The following SNAP29 variants were observed in gnomAD, a reference collection of about 807,000 sequenced individuals.
SNAP29 encodes the protein synaptosomal-associated protein 29.
Under a neutral mutation model 27.9 loss-of-function variants are expected in SNAP29, and 13 were observed. The ratio of observed to expected loss-of-function variants is 0.47; its 90% confidence interval spans 0.30 to 0.74. The LOEUF (loss-of-function observed/expected upper bound fraction) is 0.74. SNAP29 is among the 30% of genes least tolerant of loss of function. The pLI, the probability that SNAP29 is intolerant of heterozygous loss-of-function variation, is 0.06. For missense variants in SNAP29, 368 were observed against 336.5 expected (o/e 1.09, Z -0.73); for synonymous variants, 119 against 127.1 (o/e 0.94, Z 0.43).
rs575240461 is a variant in SNAP29 at position 20,888,311 on chromosome 22, TCACACACA to T, written c.*513_*520del. On this transcript the variant is annotated 3_prime_UTR_variant, in exon 5 of 5. Transcript: ENST00000215730. ...CACACCTTTGTTTAGGAGTCATCAT[TCACACACA>T]CACACACACACACACACACACACAC... 5.1e-3 allele frequency: 889 copies of T among 174,612 alleles called. 4 individuals are homozygous for T. The highest frequency in any genetic ancestry group is 0.012 in the Middle Eastern group (5 of 434). 10.8% of individuals were successfully genotyped at this position (174,612 alleles called of 1,614,324 possible).
At chr22:20,874,872 G>A (rs1928703363) in intron 2 of SNAP29, among the ~76,000 whole-genome samples, 1 of 152,016 alleles carries the variant, frequency 6.6e-6, no homozygotes, top group Non-Finnish European at 1.5e-5. Context: ...ATAGGAGAAG[G>A]TAGGATGTTC....
chr22:20,885,868 C>T lies in SNAP29; in HGVS notation c.620-1811C>T, dbSNP rs150028394. Among the ~76,000 whole-genome samples, 43 of 152,316 alleles carry T rather than the reference C, an allele frequency of 2.8e-4. No homozygotes were observed. In the East Asian group the frequency reaches 7.7e-3, roughly 27 times the overall value. ...GTGTTGCCTTTGTTCACACTCTTCCCGTCTTAACACTATCTCCCTGCTATT... is the reference window on the plus strand; with the variant it reads ...GTGTTGCCTTTGTTCACACTCTTCCTGTCTTAACACTATCTCCCTGCTATT... On this transcript the variant is annotated intron_variant, in intron 4 of 4. Transcript: ENST00000215730.
At chr22:20,882,504 T>A (rs1470015567) in intron 3 of SNAP29, among the ~76,000 whole-genome samples, 1 of 152,144 alleles carries the variant, frequency 6.6e-6, no homozygotes, top group Non-Finnish European at 1.5e-5. Flanking sequence ...ATGGAAGCTC[T>A]GGAACCCACC....
chr22:20,884,528 C>T (rs748293558), intron 4 of SNAP29, among the ~76,000 whole-genome samples: 7 of 152,076 alleles, frequency 4.6e-5, no homozygotes, highest in Non-Finnish European at 7.4e-5. Context: ...TGGGCTCCCC[C>T]GACTCTCTGT....
At chr22:20,864,406 A>G (rs1928409358) in intron 1 of SNAP29, among the ~76,000 whole-genome samples, 1 of 152,132 alleles carries the variant, frequency 6.6e-6, no homozygotes, top group Non-Finnish European at 1.5e-5. Context: ...CAGAGGTGGG[A>G]GAGAGGAGGA....
rs1158782214 is a variant in SNAP29 at position 20,888,858 on chromosome 22, C to T, written c.*1022C>T. The T allele has an allele frequency of 6.6e-6, 1 of 152,230 alleles. No homozygotes were observed. Among genetic ancestry groups the T allele is most frequent in the Non-Finnish European group, 1.5e-5 (1 of 68,054 alleles). The allele number at this position is 152,230 out of a possible 1,614,324, so 9.4% of individuals were successfully genotyped here. A position where few individuals can be genotyped will look rare whatever the true frequency, so the allele number is the denominator to read the frequency against. ...AGGTAACTTGAATCATCACTTATTT[C>T]TCTGCCACCTGGTTTTAGGACTGGC... On this transcript the variant is annotated 3_prime_UTR_variant, in exon 5 of 5. Coordinates refer to ENST00000215730, the MANE Select transcript of SNAP29 (RefSeq NM_004782.4).
At chr22:20,883,392 G>A in intron 3 of SNAP29, 79 bp from the exon 4 acceptor site, 1 of 952,484 alleles carries the variant, frequency 1.0e-6, no homozygotes, top group Non-Finnish European at 1.7e-6. Context: ...TTTTCCAGAT[G>A]AAATTGTTTT....
At chr22:20,884,104 G>A (rs1345191072) in intron 4 of SNAP29, among the ~76,000 whole-genome samples, 2 of 152,114 alleles carry the variant, frequency 1.3e-5, no homozygotes, top group South Asian at 2.1e-4. Context: ...AGGCCAAGGC[G>A]GGTGGATCAC....
intron 2 of SNAP29, among the ~76,000 whole-genome samples, chr22:20,872,114 A>G (rs1928607474): frequency 6.6e-6 from 1 of 152,186 alleles, no homozygotes; most frequent in Admixed American, 6.5e-5. Context: ...AGTTGTAACC[A>G]TAGTATTCTT....
chr22:20,874,377 A>G (rs1327570919), intron 2 of SNAP29, among the ~76,000 whole-genome samples: 1 of 144,116 alleles, frequency 6.9e-6, no homozygotes, highest in Middle Eastern at 3.3e-3. Context: ...ACACACACAC[A>G]CACACACACA....
At chr22:20,861,604 A>AT (rs1284778465) in intron 1 of SNAP29, among the ~76,000 whole-genome samples, 2 of 151,504 alleles carry the variant, frequency 1.3e-5, no homozygotes, top group Non-Finnish European at 1.5e-5. Context: ...CACCTGGCTA[A>AT]TTTTTTTGTT....
At position 20,884,599 on chromosome 22, in the gene SNAP29, C is replaced by G. The variant is rs369548607; in HGVS notation, c.619+1030C>G. On this transcript the variant is annotated intron_variant, in intron 4 of 4. Coordinates refer to ENST00000215730, the MANE Select transcript of SNAP29 (RefSeq NM_004782.4). ...AGTATGGCCTCCTCTCCCTGTCTCT[C>G]AGGACCCTTGTGTTTCCAGGGGGCT... is the stretch of plus-strand genomic sequence containing the variant. Among the ~76,000 whole-genome samples the G allele has an allele frequency of 4.4e-4, 67 of 152,290 alleles. No individual in the cohort carries two copies. In the East Asian group the frequency reaches 0.012, roughly 28 times the overall value.
At chr22:20,887,610 C>A (rs1224175348) in intron 4 of SNAP29, 69 bp from the exon 5 acceptor site, 3 of 1,558,630 alleles carry the variant, frequency 1.9e-6, no homozygotes, top group Non-Finnish European at 2.7e-6. Flanking sequence ...CTTACCCACA[C>A]CATCAAGAAG....
chr22:20,870,785 G>T, intron 2 of SNAP29: 2 of 569,054 alleles, frequency 3.5e-6, no homozygotes, highest in African/African-American at 1.9e-5. Context: ...GAAAGAGAGG[G>T]TGTTCACCTC....
chr22:20,872,071 A>G (rs1474842321), intron 2 of SNAP29, among the ~76,000 whole-genome samples: 1 of 152,124 alleles, frequency 6.6e-6, no homozygotes, highest in Non-Finnish European at 1.5e-5. Flanking sequence ...CAAAAACAGA[A>G]AATTTCATTT....
Position 20,871,602 on chromosome 22 carries a change from G to A in SNAP29, c.434+1069G>A, listed in dbSNP as rs149435461. Among the ~76,000 whole-genome samples, 842 of 152,194 alleles carry A rather than the reference G, an allele frequency of 5.5e-3. 5 individuals are homozygous for A. Among genetic ancestry groups the A allele is most frequent in the Non-Finnish European group, 9.2e-3 (626 of 68,018 alleles). ...TATAAAATCATACATGAGACTGGGG[G>A]CCAGGCACGGTGGCTCACGCCTATA... On this transcript the variant is annotated intron_variant, in intron 2 of 4. Coordinates refer to ENST00000215730, the MANE Select transcript of SNAP29 (RefSeq NM_004782.4).
chr22:20,860,170 G>A (rs1285012149), intron 1 of SNAP29, among the ~76,000 whole-genome samples: 1 of 149,476 alleles, frequency 6.7e-6, no homozygotes, highest in African/African-American at 2.5e-5. Flanking sequence ...GGGCAACATG[G>A]TGAAACCCTG....
chr22:20,866,924 T>G (rs1928473269), intron 1 of SNAP29, among the ~76,000 whole-genome samples: 1 of 152,182 alleles, frequency 6.6e-6, no homozygotes. Context: ...TGTATGTGTT[T>G]GTGTGCACGC....
chr22:20,861,118 G>GTTT (rs362237), intron 1 of SNAP29, among the ~76,000 whole-genome samples: 1,375 of 121,788 alleles, frequency 0.011, 65 homozygotes, highest in African/African-American at 0.024. Context: ...CCTCCCTGTG[G>GTTT]TTTTTTTTTT....
Sources: allele counts gnomAD v4.1 joint callset (sites outside exome capture counted in the v4.1 genomes callset), GRCh38; gene constraint gnomAD v4.1.1; transcripts MANE v1.5; gene names NCBI Gene and HGNC (gene_info 2026-07-23, HGNC 2026-07-21).